ABLIM2: variants seen among roughly 807,000 people sequenced by gnomAD.
ABLIM2 encodes actin-binding LIM protein 2.
Under a neutral mutation model 97.7 loss-of-function variants are expected in ABLIM2, and 53 were observed. That is an observed-to-expected ratio of 0.54 (90% CI 0.44 to 0.68). The LOEUF (loss-of-function observed/expected upper bound fraction) is 0.68, where lower values mean the gene tolerates loss of function less well. Among genes scored for constraint, ABLIM2 ranks in the 30% least tolerant of loss-of-function variants. ABLIM2 has a pLI of 0.00. For synonymous variants in ABLIM2, 361 were observed against 345.8 expected (o/e 1.04, Z -0.49); for missense variants, 835 against 867.2 (o/e 0.96, Z 0.47).
At chr4:7,991,281 C>T (rs1748501158) in intron 17 of ABLIM2, among the ~76,000 whole-genome samples, 1 of 152,238 alleles carries the variant, frequency 6.6e-6, no homozygotes, top group Non-Finnish European at 1.5e-5. Flanking sequence ...AGAGGATGCA[C>T]AGCCCAGGCG....
At chr4:8,017,875 C>T (rs754134446) in intron 14 of ABLIM2, among the ~76,000 whole-genome samples, 11 of 152,238 alleles carry the variant, frequency 7.2e-5, no homozygotes, top group Non-Finnish European at 1.5e-4. Flanking sequence ...CTCCTGTAGT[C>T]CCAGGTACTT....
rs954677817 is a variant in ABLIM2 at position 7,996,368 on chromosome 4, C to G, written c.1619-3441G>C. Among the ~76,000 whole-genome samples, 3 of 152,228 alleles carry G rather than the reference C, an allele frequency of 2.0e-5. No individual in the cohort carries two copies. The highest frequency in any genetic ancestry group is 4.4e-5 in the Non-Finnish European group (3 of 68,046). On this transcript the variant is annotated intron_variant, in intron 16 of 20. Transcript: ENST00000447017. This position sits in a 1 kb window ranked among gnomAD's most constrained non-coding sequence, Gnocchi z 4.5. ...CTTAAGCCCGAAGGCCTCTACCTGC[C>G]TGCCCCTGGAGTCACCTGGACAGCG... is the stretch of plus-strand genomic sequence containing the variant.
intron 8 of ABLIM2, among the ~76,000 whole-genome samples, chr4:8,045,942 C>T (rs1792092159): frequency 6.6e-6 from 1 of 152,144 alleles, no homozygotes; most frequent in African/African-American, 2.4e-5. Context: ...AGCTTGGCCC[C>T]CGGCTCTGTC....
chr4:8,007,831 C>A, intron 16 of ABLIM2: 5 of 1,331,958 alleles, frequency 3.8e-6, no homozygotes, highest in African/African-American at 1.5e-5. Flanking sequence ...AGGGGACATG[C>A]AGGCGTGGCC....
At chr4:8,115,360 G>A (rs533080333) in intron 1 of ABLIM2, among the ~76,000 whole-genome samples, 2 of 152,212 alleles carry the variant, frequency 1.3e-5, no homozygotes, top group South Asian at 4.1e-4. Flanking sequence ...CTCCTTTCGC[G>A]CCTGCCTGCT....
chr4:7,976,910 CACACACAT>C (rs944163950), intron 20 of ABLIM2, among the ~76,000 whole-genome samples: 75 of 152,034 alleles, frequency 4.9e-4, no homozygotes, highest in East Asian at 2.5e-3. Context: ...TACATGTACA[CACACACAT>C]ACACACATAC....
In ABLIM2 at chr4:8,015,144, T is replaced by C. The variant is rs1277921782; in HGVS notation, c.1423+4474A>G. ...CCATGTTGGCCAGGCTGGTCTCGAA[T>C]GCTTGACCTCAGGTGATCCATTCAC... On this transcript the variant is annotated intron_variant, in intron 14 of 20. Transcript: ENST00000447017. This position sits in a 1 kb window ranked among gnomAD's most constrained non-coding sequence, Gnocchi z 4.6. Among the ~76,000 whole-genome samples the C allele has an allele frequency of 6.6e-6, 1 of 152,080 alleles. No homozygotes were observed. Among genetic ancestry groups the C allele is most frequent in the Non-Finnish European group, 1.5e-5 (1 of 68,006 alleles).
Position 8,082,536 on chromosome 4 carries a change from T to C in ABLIM2, c.455-1734A>G, listed in dbSNP as rs754078405. ...TCTTTTGGCAGAGACCTGAGTCATA[T>C]TGTTTTTAACAATTAAAACAAACGA... On this transcript the variant is annotated intron_variant, in intron 4 of 20. Coordinates refer to ENST00000447017, the MANE Select transcript of ABLIM2 (RefSeq NM_001130083.2). The surrounding 1 kb of genome is among the most constrained non-coding windows in gnomAD (Gnocchi z 5.6). Among the ~76,000 whole-genome samples, 36 of 152,364 alleles carry C rather than the reference T, an allele frequency of 2.4e-4. No homozygotes were observed. The highest frequency in any genetic ancestry group is 3.1e-4 in the Non-Finnish European group (21 of 68,040).
At chr4:8,105,357 C>A (rs944281096) in intron 2 of ABLIM2, among the ~76,000 whole-genome samples, 1 of 152,250 alleles carries the variant, frequency 6.6e-6, no homozygotes. Context: ...TTATCTCCCT[C>A]AGCAGACAGC....
intron 1 of ABLIM2, among the ~76,000 whole-genome samples, chr4:8,157,787 C>A (rs374412454): frequency 6.6e-6 from 1 of 152,276 alleles, no homozygotes; most frequent in Admixed American, 6.5e-5. Context: ...CCCCGCCCCC[C>A]CTTCCTGAGC....
In ABLIM2 at chr4:8,094,986, C is replaced by G. The variant is rs183479830; in HGVS notation, c.338+2113G>C. On this transcript the variant is annotated intron_variant, in intron 3 of 20. Transcript: ENST00000447017. ...TCCCTCCTTCCCTCCCTTTCTTTCT[C>G]TTTCTTTTCCTTTTTCTTTCTTTCT... is the stretch of plus-strand genomic sequence containing the variant. 4.5e-3 allele frequency among the ~76,000 whole-genome samples: 542 copies of G among 120,572 alleles called. 5 individuals carry two copies. The highest frequency in any genetic ancestry group is 0.016 in the African/African-American group (521 of 32,654). 79.1% of individuals were successfully genotyped at this position (120,572 alleles called of 152,430 possible).
Position 8,082,962 on chromosome 4 carries a change from C to T in ABLIM2, c.455-2160G>A, listed in dbSNP as rs972757385. The stretch of plus-strand genomic sequence containing the variant: ...TGCATCAGTGGCTCTCAACTTGGGG[C>T]ACTTTTGCCCAAGAGACATTTGGCA... On this transcript the variant is annotated intron_variant, in intron 4 of 20. Coordinates refer to ENST00000447017, the MANE Select transcript of ABLIM2 (RefSeq NM_001130083.2). This position sits in a 1 kb window ranked among gnomAD's most constrained non-coding sequence, Gnocchi z 5.6. 6.6e-6 allele frequency among the ~76,000 whole-genome samples: 1 copy of T among 152,202 alleles called. No individual in the cohort carries two copies. The highest frequency in any genetic ancestry group is 2.4e-5 in the African/African-American group (1 of 41,446).
Position 8,042,454 on chromosome 4 carries a change from C to G in ABLIM2, c.900+2710G>C, listed in dbSNP as rs966195564. ...GCCAAGGAGCATCTGAGCAGACGGCCCTGCTGTTTCCCCACTCAGTCTGTT... is the reference window on the plus strand; with the variant it reads ...GCCAAGGAGCATCTGAGCAGACGGCGCTGCTGTTTCCCCACTCAGTCTGTT... On this transcript the variant is annotated intron_variant, in intron 9 of 20. Transcript: ENST00000447017. Among the ~76,000 whole-genome samples, 3 of 152,266 alleles carry G rather than the reference C, an allele frequency of 2.0e-5. No homozygotes were observed. In the South Asian group the frequency reaches 6.2e-4, roughly 32 times the overall value.
Position 8,005,174 on chromosome 4 carries a change from C to T in ABLIM2, c.1618+2885G>A, listed in dbSNP as rs143425638. 64 of 378,062 alleles carry T rather than the reference C, an allele frequency of 1.7e-4. 1 individual carries two copies. The highest frequency in any genetic ancestry group is 1.5e-3 in the East Asian group (21 of 14,268). 23.4% of individuals were successfully genotyped at this position (378,062 alleles called of 1,614,324 possible). ...GCCAAAGAGGTGCCCGGCGGGCAGG[C>T]GGCGGCGGGATGCGTGTGCGCTCGC... is the stretch of plus-strand genomic sequence containing the variant. On this transcript the variant is annotated intron_variant, in intron 16 of 20. Transcript: ENST00000447017. The surrounding 1 kb of genome is among the most constrained non-coding windows in gnomAD (Gnocchi z 4.9).
At chr4:8,098,211 C>T (rs1832703249) in intron 2 of ABLIM2, among the ~76,000 whole-genome samples, 1 of 152,208 alleles carries the variant, frequency 6.6e-6, no homozygotes, top group African/African-American at 2.4e-5. Flanking sequence ...CCCCCTGCAG[C>T]CCCAGCCCCT....
At chr4:8,144,885 A>G (rs1483101078) in intron 1 of ABLIM2, among the ~76,000 whole-genome samples, 2 of 152,264 alleles carry the variant, frequency 1.3e-5, no homozygotes, top group East Asian at 3.8e-4. Context: ...TATCAGGCGC[A>G]GAACTCTTTG....
At chr4:7,987,498 C>G (rs1254625664) in intron 17 of ABLIM2, among the ~76,000 whole-genome samples, 1 of 152,098 alleles carries the variant, frequency 6.6e-6, no homozygotes, top group Admixed American at 6.5e-5. Context: ...AGGGAACCCC[C>G]AGTATAAAGC....
rs1345103223 is a variant in ABLIM2 at position 8,112,974 on chromosome 4, C to T, written c.11-6337G>A. On this transcript the variant is annotated intron_variant, in intron 1 of 20. Coordinates refer to ENST00000447017, the MANE Select transcript of ABLIM2 (RefSeq NM_001130083.2). This position sits in a 1 kb window ranked among gnomAD's most constrained non-coding sequence, Gnocchi z 4.2. ...CAGCACCACACCAGCGTGACAGGCA[C>T]AGGAAGAGGGACATGCCAGGCCAAA... 6.6e-6 allele frequency among the ~76,000 whole-genome samples: 1 copy of T among 152,188 alleles called. No individual in the cohort carries two copies. Among genetic ancestry groups the T allele is most frequent in the Non-Finnish European group, 1.5e-5 (1 of 68,036 alleles).
At position 8,021,421 on chromosome 4, in the gene ABLIM2, C is replaced by T. The variant is rs1437766881; in HGVS notation, c.1268-1118G>A. On this transcript the variant is annotated intron_variant, in intron 12 of 20. Coordinates refer to ENST00000447017, the MANE Select transcript of ABLIM2 (RefSeq NM_001130083.2). The surrounding 1 kb of genome is among the most constrained non-coding windows in gnomAD (Gnocchi z 5.5). ...CTCCCTGCAGAAGACACTCCCAAGGCCCCGTTCCTCCCACCTGCCAGCCCC... is the reference window on the plus strand; with the variant it reads ...CTCCCTGCAGAAGACACTCCCAAGGTCCCGTTCCTCCCACCTGCCAGCCCC... 6.6e-6 allele frequency among the ~76,000 whole-genome samples: 1 copy of T among 152,178 alleles called. No individual in the cohort carries two copies. Among genetic ancestry groups the T allele is most frequent in the Non-Finnish European group, 1.5e-5 (1 of 68,022 alleles).
Sources: gnomAD v4.1 joint callset for allele counts (sites outside exome capture counted in the v4.1 genomes callset) on GRCh38, gnomAD v4.1.1 for gene constraint, Gnocchi (gnomAD v3.1) non-coding constraint, MANE v1.5 for transcripts, NCBI Gene and HGNC (gene_info 2026-07-23, HGNC 2026-07-21) for gene names.